The following SATB1 variants were observed in gnomAD, a reference collection of about 807,000 sequenced individuals.
SATB1 encodes the protein DNA-binding protein SATB1.
SATB1 carries 11 observed loss-of-function variants against 86.9 expected under a neutral mutation model. That is an observed-to-expected ratio of 0.13 (90% CI 0.08 to 0.21). The LOEUF is 0.21. Ranked by LOEUF, SATB1 falls within the 10% of genes least tolerant of loss-of-function variation. The pLI, the probability that SATB1 is intolerant of heterozygous loss-of-function variation, is 1.00. For synonymous variants in SATB1, 357 were observed against 357.2 expected (o/e 1.00, Z 0.01); for missense variants, 551 against 937.6 (o/e 0.59, Z 5.39).
At chr3:18,369,576 C>T (rs996668887) in intron 9 of SATB1, among the ~76,000 whole-genome samples, 5 of 152,122 alleles carry the variant, frequency 3.3e-5, no homozygotes, top group Admixed American at 2.6e-4. Context: ...TTTAGTTACA[C>T]CACATGTGGT....
At chr3:18,440,684 AC>A (rs1304213601), upstream of SATB1, among the ~76,000 whole-genome samples, 1 of 152,182 alleles carries the variant, frequency 6.6e-6, no homozygotes, top group African/African-American at 2.4e-5. Context: ...CTTTCATTTT[AC>A]CAGAAAATAT....
At position 18,386,254 on chromosome 3, in the gene SATB1, G is replaced by C; in HGVS notation, c.1419+145C>G. 1 of 645,224 alleles carries C rather than the reference G, an allele frequency of 1.5e-6. No individual in the cohort carries two copies. Among genetic ancestry groups the C allele is most frequent in the Non-Finnish European group, 2.7e-6 (1 of 377,200 alleles). The allele number at this position is 645,224 out of a possible 1,614,324, so 40.0% of individuals were successfully genotyped here. On this transcript the variant is annotated intron_variant, in intron 8 of 10. Transcript: ENST00000338745. This position sits in a 1 kb window ranked among gnomAD's most constrained non-coding sequence, Gnocchi z 4.5. ...GTTTTTATATCAGAATTAATGATTT[G>C]GGACCAAATTCTCCTCAAGCAACTA...
At chr3:18,411,334 C>T (rs901035823) in intron 5 of SATB1, among the ~76,000 whole-genome samples, 2 of 151,856 alleles carry the variant, frequency 1.3e-5, no homozygotes, top group African/African-American at 4.8e-5. Flanking sequence ...GGTAAAAATG[C>T]GCAAATCAGA....
At chr3:18,353,363 A>G (rs1400628259) in intron 9 of SATB1, among the ~76,000 whole-genome samples, 1 of 151,970 alleles carries the variant, frequency 6.6e-6, no homozygotes, top group Admixed American at 6.6e-5. Context: ...GCCTGAGACC[A>G]TATCCTTATG....
chr3:18,417,341 C>A, intron 2 of SATB1: 1 of 562,942 alleles, frequency 1.8e-6, no homozygotes, highest in South Asian at 2.3e-5. Context: ...GTGCATTTTC[C>A]AAAAGCAATG....
chr3:18,369,551 A>AG (rs1054615696), intron 9 of SATB1, among the ~76,000 whole-genome samples: 2 of 152,150 alleles, frequency 1.3e-5, no homozygotes, highest in African/African-American at 2.4e-5. Flanking sequence ...CTTAAAAAAA[A>AG]GGGGGGCCTG....
chr3:18,440,045 A>G (rs562828479), upstream of SATB1, among the ~76,000 whole-genome samples: 5 of 152,322 alleles, frequency 3.3e-5, no homozygotes, highest in African/African-American at 1.2e-4. Flanking sequence ...AACTCCATTA[A>G]AAACTTAAAC....
In SATB1 at chr3:18,393,635, C is replaced by A. The variant is rs148303871; in HGVS notation, c.1206+827G>T. 6.4e-3 allele frequency among the ~76,000 whole-genome samples: 977 copies of A among 152,246 alleles called. 8 individuals are homozygous for A. The highest frequency in any genetic ancestry group is 0.022 in the African/African-American group (931 of 41,540). On this transcript the variant is annotated intron_variant, in intron 7 of 10. Transcript: ENST00000338745. ...GTATAAGCAGGCAGTGAGATCTCTA[C>A]AAATGAGTCTGCAAACTAAGGCCTG...
intron 8 of SATB1, among the ~76,000 whole-genome samples, chr3:18,385,379 T>C (rs1391358359): frequency 3.9e-5 from 6 of 152,078 alleles, no homozygotes; most frequent in African/African-American, 1.4e-4. Flanking sequence ...TCCCAGCACT[T>C]TGGGAGGCCG....
At chr3:18,417,219 T>A in intron 2 of SATB1, 141 bp from the exon 3 acceptor site, 1 of 723,314 alleles carries the variant, frequency 1.4e-6, no homozygotes, top group Non-Finnish European at 2.3e-6. Flanking sequence ...CTGGGTACAG[T>A]ACAGGCAAAT....
Position 18,348,525 on chromosome 3 carries a change from C to G in SATB1, c.*645G>C, listed in dbSNP as rs1450649049. 1 of 152,408 alleles carries G rather than the reference C, an allele frequency of 6.6e-6. No individual in the cohort carries two copies. The highest frequency in any genetic ancestry group is 1.5e-5 in the Non-Finnish European group (1 of 67,984). 9.4% of individuals were successfully genotyped at this position (152,408 alleles called of 1,614,324 possible). Reference sequence around the variant, plus strand: ...AAATAATGAGGACTAAATTGTGTTTCACATTTTCTTTTCCTTTTTTTAAAA... The same window carrying G: ...AAATAATGAGGACTAAATTGTGTTTGACATTTTCTTTTCCTTTTTTTAAAA... On this transcript the variant is annotated 3_prime_UTR_variant, in exon 11 of 11. Coordinates refer to ENST00000338745, the MANE Select transcript of SATB1 (RefSeq NM_002971.6).
intron 5 of SATB1, among the ~76,000 whole-genome samples, chr3:18,407,433 G>A (rs1051391701): frequency 6.6e-6 from 1 of 151,986 alleles, no homozygotes; most frequent in African/African-American, 2.4e-5. Flanking sequence ...GAGTTACATA[G>A]ACCATGTGGC....
rs149083875 is a variant in SATB1, at chr3:18,348,861, TA to T, written c.*308del. 2.1e-3 allele frequency: 613 copies of T among 293,216 alleles called. No homozygotes were observed. Among genetic ancestry groups the T allele is most frequent in the Middle Eastern group, 3.3e-3 (3 of 904 alleles). The allele number at this position is 293,216 out of a possible 1,614,324, so 18.2% of individuals were successfully genotyped here. ...TTGTTTGAGGCTCCGGAATAAGAACTAAAAAAAAAACAAAAAACACTGGTTT... is the reference window on the plus strand; with the variant it reads ...TTGTTTGAGGCTCCGGAATAAGAACTAAAAAAAAACAAAAAACACTGGTTT... On this transcript the variant is annotated 3_prime_UTR_variant, in exon 11 of 11. Transcript: ENST00000338745.
At chr3:18,421,778 A>C (rs1409096073) in intron 1 of SATB1, among the ~76,000 whole-genome samples, 1 of 152,014 alleles carries the variant, frequency 6.6e-6, no homozygotes, top group Admixed American at 6.6e-5. Context: ...TGTTAACAAT[A>C]AATATTTTTA....
chr3:18,394,459 G>A lies in SATB1; in HGVS notation c.1206+3C>T, dbSNP rs771691974. On this transcript the variant is annotated splice_donor_region_variant and intron_variant, in intron 7 of 10. Coordinates refer to ENST00000338745, the MANE Select transcript of SATB1 (RefSeq NM_002971.6). This position sits in a 1 kb window ranked among gnomAD's most constrained non-coding sequence, Gnocchi z 5.9. ...ACAGAACCACTTATGAAACACAACT[G>A]ACCTGAGTTCTGTTAAAAGCCACAC... 3.1e-6 allele frequency: 5 copies of A among 1,613,046 alleles called. No homozygotes were observed. In the South Asian group the frequency reaches 5.5e-5, roughly 18 times the overall value.
chr3:18,433,939 A>G (rs1039240938), intron 2 of SATB1, among the ~76,000 whole-genome samples: 2 of 152,100 alleles, frequency 1.3e-5, no homozygotes, highest in African/African-American at 4.8e-5. Context: ...CTGTTTTTTA[A>G]TCATTTATTT....
At chr3:18,397,137 G>A (rs373942016) in intron 6 of SATB1, 42 bp downstream of exon 6, 5 of 1,063,390 alleles carry the variant, frequency 4.7e-6, no homozygotes, top group Non-Finnish European at 7.4e-6. Context: ...CAAATGACAC[G>A]TAATGGTATG....
intron 5 of SATB1, among the ~76,000 whole-genome samples, chr3:18,402,092 G>A (rs1486515375): frequency 1.3e-5 from 2 of 151,998 alleles, no homozygotes; most frequent in African/African-American, 4.8e-5. Context: ...ATCGGTTAAG[G>A]TTACATAATG....
At chr3:18,384,371 T>C (rs1696216336) in intron 8 of SATB1, among the ~76,000 whole-genome samples, 1 of 151,906 alleles carries the variant, frequency 6.6e-6, no homozygotes, top group African/African-American at 2.4e-5. Context: ...CAAATCACAT[T>C]TGGAAAATAA....
Sources: gnomAD v4.1 joint callset for allele counts (sites outside exome capture counted in the v4.1 genomes callset) on GRCh38, gnomAD v4.1.1 for gene constraint, Gnocchi (gnomAD v3.1) non-coding constraint, MANE v1.5 for transcripts, NCBI Gene and HGNC (gene_info 2026-07-23, HGNC 2026-07-21) for gene names.